The following PIP4P1 variants were observed in gnomAD, a reference collection of about 807,000 sequenced individuals.
The protein encoded by PIP4P1 is type 1 phosphatidylinositol 4,5-bisphosphate 4-phosphatase.
Under a neutral mutation model 32.3 loss-of-function variants are expected in PIP4P1, and 14 were observed. The observed-to-expected ratio is 0.43, with a 90% CI of 0.29 to 0.68. The LOEUF is 0.68. Among genes scored for constraint, PIP4P1 ranks in the 30% least tolerant of loss-of-function variants. The pLI is 0.15. For synonymous variants in PIP4P1, 132 were observed against 137.9 expected (o/e 0.96, Z 0.30); for missense variants, 289 against 364.5 (o/e 0.79, Z 1.69).
intron 1 of PIP4P1, 146 bp downstream of exon 1, chr14:20,461,038 C>T: frequency 7.9e-7 from 1 of 1,273,274 alleles, no homozygotes; most frequent in Non-Finnish European, 1.0e-6. Context: ...GGGAAGGAAG[C>T]CTCGCCCAGT....
Position 20,458,010 on chromosome 14 carries a change from CAT to C in PIP4P1, c.*547_*548del, listed in dbSNP as rs201078888. Reference sequence around the variant, plus strand: ...TAAGGGAAATACAGGAATAGGGGAACATATCCCACATTAAATAGTTATATACA... The same window carrying C: ...TAAGGGAAATACAGGAATAGGGGAACATCCCACATTAAATAGTTATATACA... On this transcript the variant is annotated 3_prime_UTR_variant, in exon 7 of 7. Transcript: ENST00000250489. The C allele has an allele frequency of 1.6e-5, 5 of 313,230 alleles. No individual in the cohort carries two copies. The East Asian group carries it at 4.2e-4, about 26-fold the overall frequency. The allele number at this position is 313,230 out of a possible 1,614,324, so 19.4% of individuals were successfully genotyped here.
rs1278243296 is a variant in PIP4P1 at position 20,459,617 on chromosome 14, C to A, written c.546+11G>T. 6.2e-7 allele frequency: 1 copy of A among 1,611,076 alleles called. No individual in the cohort carries two copies. The highest frequency in any genetic ancestry group is 8.5e-7 in the Non-Finnish European group (1 of 1,177,290). ...TCCTTTCCCCTCCCCTTCCCAATAC[C>A]CCTTCCTCACCAGAAAAGTATTCTT... On this transcript the variant is annotated intron_variant, in intron 4 of 6. Coordinates refer to ENST00000250489, the MANE Select transcript of PIP4P1 (RefSeq NM_144568.4).
intron 3 of PIP4P1, 36 bp downstream of exon 3, chr14:20,460,155 TC>T: frequency 6.7e-7 from 1 of 1,497,460 alleles, no homozygotes; most frequent in Non-Finnish European, 9.3e-7. Flanking sequence ...ACTTTCCAGT[TC>T]CCCACTTAGG....
At position 20,460,999 on chromosome 14, in the gene PIP4P1, C is replaced by T. The variant is rs1881685162; in HGVS notation, c.143-154G>A. On this transcript the variant is annotated intron_variant, in intron 1 of 6. Transcript: ENST00000250489. Reference sequence around the variant, plus strand: ...TATCAGGTTGCTCAGAACCCCCTTCCGTCCCTAGGCTGTGGTCGCGATTAC... The same window carrying T: ...TATCAGGTTGCTCAGAACCCCCTTCTGTCCCTAGGCTGTGGTCGCGATTAC... 4.0e-6 allele frequency: 5 copies of T among 1,243,290 alleles called. No individual in the cohort carries two copies. The South Asian group carries it at 6.1e-5, about 15-fold the overall frequency. The allele number at this position is 1,243,290 out of a possible 1,614,324, so 77.0% of individuals were successfully genotyped here. A position where few individuals can be genotyped will look rare whatever the true frequency, so the allele number is the denominator to read the frequency against.
Position 20,461,223 on chromosome 14 carries a change from C to G in PIP4P1, c.103G>C (p.Gly35Arg). 1 of 1,256,844 alleles carries G rather than the reference C, an allele frequency of 8.0e-7. No homozygotes were observed. The allele number at this position is 1,256,844 out of a possible 1,614,324, so 77.9% of individuals were successfully genotyped here. The change falls in exon 1 of 7, where the codon GGG becomes CGG. Residue 35 changes from glycine to arginine, a missense_variant. Gly to Arg is a moderately radical substitution (Grantham distance 125). Transcript: ENST00000250489. Reference sequence around the variant, plus strand: ...GGTGCGGAGGGGGTCAGGCCTCCCCCGGGCCCAGCCCCACTCCCGCCGGGC... The same window carrying G: ...GGTGCGGAGGGGGTCAGGCCTCCCCGGGGCCCAGCCCCACTCCCGCCGGGC... Reference protein sequence around the residue: ...VGPGGSGAGPGGGLTPSAPPY... With the variant: ...VGPGGSGAGPRGGLTPSAPPY...
In PIP4P1 at chr14:20,457,962, TA is replaced by T. The variant is rs941483418; in HGVS notation, c.*596del. The T allele has an allele frequency of 2.7e-5, 8 of 298,600 alleles. No homozygotes were observed. The highest frequency in any genetic ancestry group is 4.9e-5 in the Admixed American group (1 of 20,616). The allele number at this position is 298,600 out of a possible 1,614,324, so 18.5% of individuals were successfully genotyped here. On this transcript the variant is annotated 3_prime_UTR_variant, in exon 7 of 7. Coordinates refer to ENST00000250489, the MANE Select transcript of PIP4P1 (RefSeq NM_144568.4). The stretch of plus-strand genomic sequence containing the variant: ...CAGTTAAATACTGCAACTGGGGGGG[TA>T]AAAAAGGTCGGGAGGAGGAATTAAG...
chr14:20,460,450 C>T, intron 2 of PIP4P1, 152 bp from the exon 3 acceptor site: 1 of 748,818 alleles, frequency 1.3e-6, no homozygotes, highest in South Asian at 1.8e-5. Context: ...CAAATAGGAA[C>T]TAGGCTAGGT....
rs148241359 is a variant in PIP4P1 at position 20,458,975 on chromosome 14, T to G, written c.690+231A>C. 1.6e-3 allele frequency: 1,002 copies of G among 624,016 alleles called. 4 individuals carry two copies. In the African/African-American group the frequency reaches 0.016, roughly 10 times the overall value. 38.7% of individuals were successfully genotyped at this position (624,016 alleles called of 1,614,324 possible). A position where few individuals can be genotyped will look rare whatever the true frequency, so the allele number is the denominator to read the frequency against. On this transcript the variant is annotated intron_variant, in intron 6 of 6. Transcript: ENST00000250489. ...AAAATAGCAACTCTTAAATTAAGAA[T>G]TTCACTGTCCTATCCTCATCCTACA...
At chr14:20,461,042 G>T in intron 1 of PIP4P1, 142 bp downstream of exon 1, 1 of 1,273,504 alleles carries the variant, frequency 7.9e-7, no homozygotes, top group Non-Finnish European at 1.0e-6. Context: ...AGGAAGCCTC[G>T]CCCAGTCACA....
rs1713461 is a variant in PIP4P1 at position 20,461,066 on chromosome 14, C to G, written c.142+118G>C. 7.5e-3 allele frequency: 9,455 copies of G among 1,265,700 alleles called. 534 individuals are homozygous for G. The African/African-American group carries it at 0.13, about 17-fold the overall frequency. The allele number at this position is 1,265,700 out of a possible 1,614,324, so 78.4% of individuals were successfully genotyped here. A position where few individuals can be genotyped will look rare whatever the true frequency, so the allele number is the denominator to read the frequency against. On this transcript the variant is annotated intron_variant, in intron 1 of 6. Coordinates refer to ENST00000250489, the MANE Select transcript of PIP4P1 (RefSeq NM_144568.4). ...CGCCCAGTCACAGGTGCAGCAGTCC[C>G]GCACCTGGCGACTGGGACCCGCCTC...
rs1881514185 is a variant in PIP4P1 at position 20,458,111 on chromosome 14, C to G, written c.*448G>C. 2.8e-6 allele frequency: 1 copy of G among 363,368 alleles called. No individual in the cohort carries two copies. Among genetic ancestry groups the G allele is most frequent in the Non-Finnish European group, 5.4e-6 (1 of 184,970 alleles). The allele number at this position is 363,368 out of a possible 1,614,324, so 22.5% of individuals were successfully genotyped here. A position where few individuals can be genotyped will look rare whatever the true frequency, so the allele number is the denominator to read the frequency against. On this transcript the variant is annotated 3_prime_UTR_variant, in exon 7 of 7. Transcript: ENST00000250489. ...CAGGACACAATGTGGGGAGAGGAGA[C>G]TGAGGGTACTGAGGCCAGAGCCAAC...
Position 20,461,241 on chromosome 14 carries a change from C to T in PIP4P1, c.85G>A (p.Gly29Arg). ...CCTCCCCCGGGCCCAGCCCCACTCC[C>T]GCCGGGCCCCACTAAACCGTTGCCG... ...AGGNGLVGPG[G>R]SGAGPGGGLT... The change falls in exon 1 of 7, where the codon GGG becomes AGG. Residue 29 changes from glycine (G) to arginine (R), a missense_variant. By Grantham distance (125) the Gly-to-Arg change is moderately radical. Around this residue, in one of 2 missense-constraint regions of PIP4P1, gnomAD observed 108 missense variants for 101.2 expected, o/e 1.07. Coordinates refer to ENST00000250489, the MANE Select transcript of PIP4P1 (RefSeq NM_144568.4). 1 of 1,265,234 alleles carries T rather than the reference C, an allele frequency of 7.9e-7. No individual in the cohort carries two copies. The highest frequency in any genetic ancestry group is 1.0e-6 in the Non-Finnish European group (1 of 1,000,364). The allele number at this position is 1,265,234 out of a possible 1,614,324, so 78.4% of individuals were successfully genotyped here.
chr14:20,459,423 G>A lies in PIP4P1; in HGVS notation c.564C>T (p.Asp188=). The A allele has an allele frequency of 6.2e-7, 1 of 1,614,210 alleles. No individual in the cohort carries two copies. Among genetic ancestry groups the A allele is most frequent in the Non-Finnish European group, 8.5e-7 (1 of 1,180,044 alleles). The change falls in exon 5 of 7, where the codon GAC becomes GAT. Residue 188 remains aspartate (D), a synonymous_variant. Transcript: ENST00000250489. ...KNTFLWTEFT[D]RTLARCPHCR... The stretch of plus-strand genomic sequence containing the variant: ...AGTGAGGACAACGTGCCAAAGTGCG[G>A]TCTGTGAACTCTGTCCACTATGGAG...
At position 20,458,142 on chromosome 14, in the gene PIP4P1, G is replaced by A; in HGVS notation, c.*417C>T. 1 of 374,456 alleles carries A rather than the reference G, an allele frequency of 2.7e-6. No homozygotes were observed. Among genetic ancestry groups the A allele is most frequent in the Non-Finnish European group, 5.3e-6 (1 of 190,354 alleles). 23.2% of individuals were successfully genotyped at this position (374,456 alleles called of 1,614,324 possible). Reference sequence around the variant, plus strand: ...GTACTGAGGCCAGAGCCAACCTCTGGTGAAGTGCAATAGCAGCAGCAAAGT... The same window carrying A: ...GTACTGAGGCCAGAGCCAACCTCTGATGAAGTGCAATAGCAGCAGCAAAGT... On this transcript the variant is annotated 3_prime_UTR_variant, in exon 7 of 7. Coordinates refer to ENST00000250489, the MANE Select transcript of PIP4P1 (RefSeq NM_144568.4).
chr14:20,460,467 G>T, intron 2 of PIP4P1, 169 bp from the exon 3 acceptor site: 1 of 751,704 alleles, frequency 1.3e-6, no homozygotes, highest in Non-Finnish European at 2.1e-6. Flanking sequence ...AGGTGTAAAA[G>T]TGAGAGAAAG....
At chr14:20,461,110 C>A (rs1045664415) in intron 1 of PIP4P1, 74 bp downstream of exon 1, 2 of 1,271,372 alleles carry the variant, frequency 1.6e-6, no homozygotes, top group Non-Finnish European at 2.0e-6. Context: ...GTCCCGCCCC[C>A]TCCCCGGCTT....
In PIP4P1 at chr14:20,460,056, C is replaced by T. The variant is rs557475391; in HGVS notation, c.440+136G>A. The T allele has an allele frequency of 3.9e-5, 28 of 720,946 alleles. 2 individuals are homozygous for T. The South Asian group carries it at 4.2e-4, about 11-fold the overall frequency. 44.7% of individuals were successfully genotyped at this position (720,946 alleles called of 1,614,324 possible). A position where few individuals can be genotyped will look rare whatever the true frequency, so the allele number is the denominator to read the frequency against. ...AAACGAGAAAGACAGCTATAACATT[C>T]CTGAGGCACATGCTTCAAAGCCTTT... is the stretch of plus-strand genomic sequence containing the variant. On this transcript the variant is annotated intron_variant, in intron 3 of 6. Transcript: ENST00000250489.
chr14:20,460,506 G>A, intron 2 of PIP4P1, 149 bp downstream of exon 2: 1 of 853,342 alleles, frequency 1.2e-6, no homozygotes, highest in African/African-American at 1.7e-5. Context: ...AGTGGCTTCT[G>A]GGGAAATGGC....
rs1881610473 is a variant in PIP4P1 at position 20,459,385 on chromosome 14, T to C, written c.599+3A>G. On this transcript the variant is annotated splice_donor_region_variant and intron_variant, in intron 5 of 6. Coordinates refer to ENST00000250489, the MANE Select transcript of PIP4P1 (RefSeq NM_144568.4). Reference sequence around the variant, plus strand: ...ATTACCAGCTCAATCCCTAATCACTTACACTTTCCTGCAGTGAGGACAACG... The same window carrying C: ...ATTACCAGCTCAATCCCTAATCACTCACACTTTCCTGCAGTGAGGACAACG... 1 of 1,614,220 alleles carries C rather than the reference T, an allele frequency of 6.2e-7. No homozygotes were observed. The highest frequency in any genetic ancestry group is 8.5e-7 in the Non-Finnish European group (1 of 1,180,036).
Sources: gnomAD v4.1 joint callset for allele counts on GRCh38, gnomAD v4.1.1 for gene constraint, gnomAD v4.1.1 regional missense constraint, MANE v1.5 for transcripts, NCBI Gene and HGNC (gene_info 2026-07-23, HGNC 2026-07-21) for gene names.